The following ZP2 variants were observed in gnomAD, a reference collection of about 807,000 sequenced individuals.
ZP2 encodes zona pellucida sperm-binding protein 2.
A neutral mutation model predicts 84.0 loss-of-function variants in ZP2; 51 were observed. The ratio of observed to expected loss-of-function variants is 0.61; its 90% CI spans 0.49 to 0.77. ZP2 has a LOEUF of 0.77. Among genes scored for constraint, ZP2 ranks in the 30% least tolerant of loss-of-function variants. The pLI is 0.00. For synonymous variants in ZP2, 375 were observed against 330.9 expected, an observed-to-expected ratio of 1.13 and a Z score of -1.45; for missense variants, 909 against 911.9, an observed-to-expected ratio of 1.00 and a Z score of 0.04.
At chr16:21,206,096 C>T (rs1359558895) in intron 5 of ZP2, 2 of 354,432 alleles carry the variant, frequency 5.6e-6, no homozygotes, top group Non-Finnish European at 1.1e-5. Context: ...CTCCTGGGTT[C>T]AAGCGATTCT....
upstream of ZP2, chr16:21,214,154 G>T: frequency 1.3e-6 from 1 of 784,160 alleles, no homozygotes; most frequent in Non-Finnish European, 1.5e-6. Flanking sequence ...CCAAGCAGGA[G>T]ATGTGGTGAG....
At chr16:21,198,724 G>A in intron 17 of ZP2, 55 bp downstream of exon 17, 1 of 1,486,488 alleles carries the variant, frequency 6.7e-7, no homozygotes, top group South Asian at 1.1e-5. Flanking sequence ...TGACCGCTTG[G>A]CATAAAAAGC....
rs1396633560 is a variant in ZP2 at position 21,203,138 on chromosome 16, T to C, written c.1086A>G (p.Ser362=). ...MVIYPECLCE[S]PVSIVTGELC... ...AAAGGTCTTTACCTATAGAAACGGG[T>C]GACTCACAGAGACACTCAGGATAGA... The change falls in exon 10 of 19, where the codon TCA becomes TCG. Residue 362 remains serine (S), a synonymous_variant. Transcript: ENST00000574091. The C allele has an allele frequency of 6.2e-7, 1 of 1,613,220 alleles. No homozygotes were observed. The highest frequency in any genetic ancestry group is 8.5e-7 in the Non-Finnish European group (1 of 1,179,650).
In ZP2 at chr16:21,199,845, G is replaced by A. The variant is rs760353711; in HGVS notation, c.1728C>T (p.Thr576=). The change falls in exon 15 of 19, where the codon ACC becomes ACT. Residue 576 remains threonine (T), a synonymous_variant. Coordinates refer to ENST00000574091, the MANE Select transcript of ZP2 (RefSeq NM_001376232.1). The part of the protein sequence containing the change: ...CAYDLDNYQT[T]FHPVGSSVTH... Reference sequence around the variant, plus strand: ...TCACAGAGGAGCCGACTGGATGGAAGGTGGTCTGGTAGTTGTCCAGGTCAT... The same window carrying A: ...TCACAGAGGAGCCGACTGGATGGAAAGTGGTCTGGTAGTTGTCCAGGTCAT... The A allele has an allele frequency of 1.4e-5, 23 of 1,613,020 alleles. No homozygotes were observed. The highest frequency in any genetic ancestry group is 3.3e-5 in the South Asian group (3 of 91,018).
At chr16:21,203,075 G>A (rs2093233380) in intron 10 of ZP2, 50 bp downstream of exon 10, 2 of 1,594,120 alleles carry the variant, frequency 1.3e-6, no homozygotes, top group Admixed American at 3.4e-5. Flanking sequence ...ACATGTACAA[G>A]AGCCAAGGGA....
chr16:21,210,176 A>G lies in ZP2; in HGVS notation c.168T>C (p.Asp56=), dbSNP rs1228090884. The change falls in exon 3 of 19, where the codon GAT becomes GAC. Residue 56 remains aspartate (D), a synonymous_variant. Coordinates refer to ENST00000574091, the MANE Select transcript of ZP2 (RefSeq NM_001376232.1). ...NPAFPGTVTC[D]EREITVEFPS... ...GGAACTCCACTGTTATTTCCCTTTC[A>G]TCGCAAGTGACAGTGCCTAAGGAGC... The G allele has an allele frequency of 6.2e-7, 1 of 1,614,014 alleles. No homozygotes were observed. The highest frequency in any genetic ancestry group is 8.5e-7 in the Non-Finnish European group (1 of 1,179,962).
At chr16:21,213,265 G>A (rs1475233000), upstream of ZP2, among the ~76,000 whole-genome samples, 1 of 152,104 alleles carries the variant, frequency 6.6e-6, no homozygotes, top group African/African-American at 2.4e-5. Flanking sequence ...GGCTGGTCTC[G>A]AACTCCTGGC....
chr16:21,201,932 C>T lies in ZP2; in HGVS notation c.1379G>A (p.Arg460Lys), dbSNP rs762854686. 8 of 1,613,878 alleles carry T rather than the reference C, an allele frequency of 5.0e-6. No individual in the cohort carries two copies. The highest frequency in any genetic ancestry group is 5.9e-6 in the Non-Finnish European group (7 of 1,179,846). The change falls in exon 12 of 19, where the codon AGA becomes AAA. Residue 460 changes from arginine (R) to lysine (K), a missense_variant and splice_region_variant. Transcript: ENST00000574091. ...GAGTCAAATAGCAATTTTATCTCAC[C>T]TGAACTCACTGTCTCTAGATATTTT... ...PSKISRDSEFRMTVKCSYSRN... is the reference protein window; with the variant it reads ...PSKISRDSEFKMTVKCSYSRN...
Position 21,201,779 on chromosome 16 carries a change from G to T in ZP2, c.1431C>A (p.Asn477Lys). ...YSRNDMLLNI[N>K]VESLTPPVAS... ...CCACTGGAGGAGTAAGGCTTTCAACGTTGATGTTTAGTAGCATGTCATTCC... is the reference window on the plus strand; with the variant it reads ...CCACTGGAGGAGTAAGGCTTTCAACTTTGATGTTTAGTAGCATGTCATTCC... Residue 477 changes from asparagine (N) to lysine (K), a missense_variant, in exon 13 of 19, where the codon AAC becomes AAA. Asn to Lys is a moderately conservative substitution (Grantham distance 94, BLOSUM62 0). Transcript: ENST00000574091. 7 of 1,614,124 alleles carry T rather than the reference G, an allele frequency of 4.3e-6. No individual in the cohort carries two copies. Among genetic ancestry groups the T allele is most frequent in the Non-Finnish European group, 5.9e-6 (7 of 1,180,022 alleles).
upstream of ZP2, chr16:21,214,099 C>T: frequency 5.5e-6 from 2 of 362,120 alleles, no homozygotes; most frequent in Non-Finnish European, 7.7e-6. Context: ...GGTCAGAGCC[C>T]CCAAATTTGG....
At chr16:21,212,530 A>G (rs373671236), upstream of ZP2, among the ~76,000 whole-genome samples, 51 of 152,336 alleles carry the variant, frequency 3.3e-4, 2 homozygotes, top group South Asian at 0.011. Flanking sequence ...CTGTCACTTT[A>G]TAACTATTAA....
chr16:21,199,599 G>T lies in ZP2; in HGVS notation c.1898C>A (p.Thr633Asn). 4 of 1,613,386 alleles carry T rather than the reference G, an allele frequency of 2.5e-6. No homozygotes were observed. Among genetic ancestry groups the T allele is most frequent in the Non-Finnish European group, 3.4e-6 (4 of 1,179,716 alleles). The change falls in exon 16 of 19, where the codon ACC (threonine) becomes AAC (asparagine). Residue 633 changes from threonine to asparagine, a missense_variant. Coordinates refer to ENST00000574091, the MANE Select transcript of ZP2 (RefSeq NM_001376232.1). ...LSPDSPLCSV[T>N]CPVSSRHRRA... ...CCTGTGCCTAGAGGACACAGGGCAG[G>T]TCACAGAACACAGTGGGGAGTCAGG...
At chr16:21,203,880 A>G in intron 9 of ZP2, 150 bp downstream of exon 9, 2 of 747,744 alleles carry the variant, frequency 2.7e-6, no homozygotes, top group Admixed American at 2.3e-5. Context: ...TCACTTATAC[A>G]AGATGATCAA....
Position 21,202,155 on chromosome 16 carries a change from C to T in ZP2, c.1236G>A (p.Gln412=). The T allele has an allele frequency of 6.2e-7, 1 of 1,608,364 alleles. No homozygotes were observed. The highest frequency in any genetic ancestry group is 8.5e-7 in the Non-Finnish European group (1 of 1,178,598). Residue 412 remains glutamine, a synonymous_variant, in exon 11 of 19, where the codon CAG becomes CAA. Transcript: ENST00000574091. ...GGGGTATGTGGAACCGTACCAGCCC[C>T]TGAGACTGAGCCTCAAAGACAGGCT... ...SCQPVFEAQS[Q]GLVRFHIPLN...
At position 21,199,871 on chromosome 16, in the gene ZP2, A is replaced by C. The variant is rs373582627; in HGVS notation, c.1702T>G (p.Tyr568Asp). Residue 568 changes from tyrosine to aspartate, a missense_variant, in exon 15 of 19, where the codon TAT (tyrosine) becomes GAT (aspartate). Coordinates refer to ENST00000574091, the MANE Select transcript of ZP2 (RefSeq NM_001376232.1). ...QWNVVVDGCAYDLDNYQTTFH... is the reference protein window; with the variant it reads ...QWNVVVDGCADDLDNYQTTFH... ...GTGGTCTGGTAGTTGTCCAGGTCAT[A>C]TGCACAGCTAGGAGGTATGCACCAG... The C allele has an allele frequency of 6.2e-7, 1 of 1,612,370 alleles. No homozygotes were observed. Among genetic ancestry groups the C allele is most frequent in the African/African-American group, 1.3e-5 (1 of 74,854 alleles).
In ZP2 at chr16:21,201,564, A is replaced by G. The variant is rs1360658592; in HGVS notation, c.1505-6T>C. ...AGGTTGTTGGTAGGAATTATCTGAA[A>G]TTGAATGGTATTCAAGTAGTTAATG... On this transcript the variant is annotated splice_polypyrimidine_tract_variant and splice_region_variant and intron_variant, in intron 13 of 18. Transcript: ENST00000574091. The G allele has an allele frequency of 1.9e-6, 3 of 1,603,160 alleles. No individual in the cohort carries two copies. The highest frequency in any genetic ancestry group is 3.4e-5 in the Admixed American group (2 of 59,438).
chr16:21,209,867 C>A lies in ZP2; in HGVS notation c.236-142G>T, dbSNP rs1011763215. ...CCCCAACTCAGTGATAGAACTTGAG[C>A]TTTGAGATGGTATGACTTGCAGCCA... On this transcript the variant is annotated intron_variant, in intron 3 of 18. Coordinates refer to ENST00000574091, the MANE Select transcript of ZP2 (RefSeq NM_001376232.1). 4 of 781,546 alleles carry A rather than the reference C, an allele frequency of 5.1e-6. No homozygotes were observed. In the African/African-American group the frequency reaches 5.2e-5, roughly 10 times the overall value. 48.4% of individuals were successfully genotyped at this position (781,546 alleles called of 1,614,324 possible). A position where few individuals can be genotyped will look rare whatever the true frequency, so the allele number is the denominator to read the frequency against.
At chr16:21,209,253 T>G (rs1046276119) in intron 4 of ZP2, among the ~76,000 whole-genome samples, 6 of 152,168 alleles carry the variant, frequency 3.9e-5, no homozygotes, top group Non-Finnish European at 8.8e-5. Flanking sequence ...TGCAAACCTC[T>G]GTCCCCTGGG....
chr16:21,203,785 A>G, intron 9 of ZP2: 1 of 557,326 alleles, frequency 1.8e-6, no homozygotes, highest in Non-Finnish European at 3.2e-6. Context: ...AGACAGTTTT[A>G]AGACTTAGAA....
Sources: gnomAD v4.1 joint callset for allele counts (sites outside exome capture counted in the v4.1 genomes callset) on GRCh38, gnomAD v4.1.1 for gene constraint, MANE v1.5 for transcripts, NCBI Gene and HGNC (gene_info 2026-07-23, HGNC 2026-07-21) for gene names.